The following LEPR variants were observed in gnomAD, a reference collection of about 807,000 sequenced individuals.
LEPR encodes leptin receptor, also known as OB receptor.
LEPR carries 56 observed loss-of-function variants against 114.7 expected under a neutral mutation model. That is an observed-to-expected ratio of 0.49 (90% CI 0.39 to 0.61). The LOEUF is 0.61. Ranked by LOEUF, LEPR falls within the 20% of genes least tolerant of loss-of-function variation. The probability of loss-of-function intolerance (pLI) is 0.00; values close to 1 mark genes in which losing one functional copy is unlikely to be tolerated. For missense variants in LEPR, 1,202 were observed against 1,352.9 expected, an observed-to-expected ratio of 0.89 and a Z score of 1.75; for synonymous variants, 443 against 461.4, an observed-to-expected ratio of 0.96 and a Z score of 0.51.
At chr1:65,436,791 ATTAAC>A (rs774012603) in intron 2 of LEPR, among the ~76,000 whole-genome samples, 66 of 152,378 alleles carry the variant, frequency 4.3e-4, no homozygotes, top group African/African-American at 1.1e-3. Flanking sequence ...ATGACTAGAT[ATTAAC>A]TTAAGTGTGT....
In LEPR at chr1:65,621,470, G is replaced by T; in HGVS notation, c.2597+12G>T. 1 of 1,607,452 alleles carries T rather than the reference G, an allele frequency of 6.2e-7. No homozygotes were observed. Among genetic ancestry groups the T allele is most frequent in the South Asian group, 1.1e-5 (1 of 90,922 alleles). On this transcript the variant is annotated intron_variant, in intron 18 of 19. Coordinates refer to ENST00000349533, the MANE Select transcript of LEPR (RefSeq NM_002303.6). ...ATATCACACCAAAGGTATTGTACTTGAGGTTAAGAATCTTTACGGCAAAAG... is the reference window on the plus strand; with the variant it reads ...ATATCACACCAAAGGTATTGTACTTTAGGTTAAGAATCTTTACGGCAAAAG...
chr1:65,544,954 C>T (rs1208447378), intron 2 of LEPR, among the ~76,000 whole-genome samples: 2 of 149,844 alleles, frequency 1.3e-5, no homozygotes, highest in Non-Finnish European at 3.0e-5. Context: ...TATCCCTCCC[C>T]ACTCCCCCCA....
At chr1:65,495,462 A>C (rs1441746326) in intron 2 of LEPR, among the ~76,000 whole-genome samples, 1 of 152,198 alleles carries the variant, frequency 6.6e-6, no homozygotes, top group Admixed American at 6.5e-5. Flanking sequence ...AATTTAAATT[A>C]GTGCAGCCAT....
chr1:65,434,499 A>G, intron 2 of LEPR: 1 of 985,188 alleles, frequency 1.0e-6, no homozygotes, highest in Non-Finnish European at 1.2e-6. Context: ...CAGAAACAAT[A>G]CTATGAATTG....
chr1:65,621,677 C>T (rs539728055), intron 18 of LEPR, among the ~76,000 whole-genome samples: 7 of 152,178 alleles, frequency 4.6e-5, no homozygotes, highest in African/African-American at 1.7e-4. Flanking sequence ...GAAAGAAACA[C>T]GAAACACAGC....
chr1:65,505,642 C>G (rs1251294429), intron 2 of LEPR, among the ~76,000 whole-genome samples: 2 of 152,146 alleles, frequency 1.3e-5, no homozygotes. Flanking sequence ...CAGCTCCCAC[C>G]CCCTCTGGCT....
intron 10 of LEPR, 107 bp downstream of exon 10, chr1:65,602,067 A>T: frequency 9.9e-7 from 1 of 1,007,686 alleles, no homozygotes; most frequent in Non-Finnish European, 1.6e-6. Context: ...TTCCTGAAAG[A>T]GGAAAGTATA....
chr1:65,434,623 G>A, intron 2 of LEPR: 1 of 985,452 alleles, frequency 1.0e-6, no homozygotes, highest in African/African-American at 1.7e-5. Flanking sequence ...GGTAGTGTGA[G>A]TAGTTTGGAG....
At chr1:65,472,413 C>A (rs539608263) in intron 2 of LEPR, among the ~76,000 whole-genome samples, 2 of 114,226 alleles carry the variant, frequency 1.8e-5, no homozygotes, top group African/African-American at 4.6e-5. Context: ...GTGGCTAAAA[C>A]ACACACACAC....
chr1:65,509,536 A>C (rs1191600615), intron 2 of LEPR, among the ~76,000 whole-genome samples: 1 of 152,126 alleles, frequency 6.6e-6, no homozygotes, highest in Non-Finnish European at 1.5e-5. Context: ...TCAAATTTAG[A>C]ACAGAAAGAA....
intron 2 of LEPR, among the ~76,000 whole-genome samples, chr1:65,461,257 G>A (rs578218726): frequency 6.6e-6 from 1 of 152,082 alleles, no homozygotes; most frequent in South Asian, 2.1e-4. Context: ...TTACAGGCGT[G>A]AGCCACCATG....
Position 65,610,313 on chromosome 1 carries a change from T to C in LEPR, c.1995+17T>C, listed in dbSNP as rs775999378. The stretch of plus-strand genomic sequence containing the variant: ...CTTTGGAAGGTATTCCCAATTTTAA[T>C]ATTAATCTTAAATTGTATTTTTATA... On this transcript the variant is annotated intron_variant, in intron 14 of 19. Transcript: ENST00000349533. The C allele has an allele frequency of 6.3e-7, 1 of 1,575,484 alleles. No individual in the cohort carries two copies. The highest frequency in any genetic ancestry group is 8.7e-7 in the Non-Finnish European group (1 of 1,148,034).
chr1:65,542,386 T>TA (rs1376450623), intron 2 of LEPR, among the ~76,000 whole-genome samples: 22 of 152,134 alleles, frequency 1.4e-4, no homozygotes, highest in Non-Finnish European at 2.5e-4. Flanking sequence ...TATGAGTACT[T>TA]ACGATGTTCC....
At chr1:65,572,788 T>C (rs1204374687) in intron 5 of LEPR, among the ~76,000 whole-genome samples, 1 of 152,148 alleles carries the variant, frequency 6.6e-6, no homozygotes, top group Non-Finnish European at 1.5e-5. Flanking sequence ...TGAAACGTAG[T>C]TTTATTCAGC....
At chr1:65,505,315 G>A (rs907063453) in intron 2 of LEPR, among the ~76,000 whole-genome samples, 4 of 151,860 alleles carry the variant, frequency 2.6e-5, no homozygotes, top group Admixed American at 1.3e-4. Context: ...AAAATGTCTC[G>A]TAATTTTCCT....
At chr1:65,534,128 G>T (rs1171272) in intron 2 of LEPR, among the ~76,000 whole-genome samples, 110,509 of 151,994 alleles carry the variant, frequency 0.73, 41,273 homozygotes, top group Middle Eastern at 0.9. Flanking sequence ...CTGATATATT[G>T]AGGCTTGTAT....
Position 65,598,295 on chromosome 1 carries a change from T to C in LEPR, c.850-365T>C, listed in dbSNP as rs1011500408. 2.0e-5 allele frequency among the ~76,000 whole-genome samples: 3 copies of C among 152,106 alleles called. No homozygotes were observed. The South Asian group carries it at 6.2e-4, about 32-fold the overall frequency. On this transcript the variant is annotated intron_variant, in intron 7 of 19. Transcript: ENST00000349533. ...ACAGGGACACTTGTAGTTCTTTGTC[T>C]ACCCCTGCACAGCATTTTCTACCAG...
chr1:65,546,612 C>G (rs1651750339), intron 2 of LEPR, among the ~76,000 whole-genome samples: 1 of 152,086 alleles, frequency 6.6e-6, no homozygotes, highest in Non-Finnish European at 1.5e-5. Context: ...CTCTGTTTGT[C>G]TGTTATTGGT....
chr1:65,639,952 A>C lies in LEPR; in HGVS notation c.*2937A>C, dbSNP rs1237788378. The stretch of plus-strand genomic sequence containing the variant: ...GCTACAAGTTGACAAGAAAAATAGG[A>C]GCAGTTTTTTTTTTCTTTTTAAACC... On this transcript the variant is annotated 3_prime_UTR_variant, in exon 20 of 20. Coordinates refer to ENST00000349533, the MANE Select transcript of LEPR (RefSeq NM_002303.6). 1 of 152,106 alleles carries C rather than the reference A, an allele frequency of 6.6e-6. No homozygotes were observed. The highest frequency in any genetic ancestry group is 1.5e-5 in the Non-Finnish European group (1 of 68,020). The allele number at this position is 152,106 out of a possible 1,614,324, so 9.4% of individuals were successfully genotyped here. A position where few individuals can be genotyped will look rare whatever the true frequency, so the allele number is the denominator to read the frequency against.
Sources: gnomAD v4.1 joint callset for allele counts (sites outside exome capture counted in the v4.1 genomes callset) on GRCh38, gnomAD v4.1.1 for gene constraint, MANE v1.5 for transcripts, NCBI Gene and HGNC (gene_info 2026-07-23, HGNC 2026-07-21) for gene names.